The following DCDC2C variants were observed in gnomAD, a reference collection of about 807,000 sequenced individuals.
DCDC2C encodes doublecortin domain-containing protein 2C.
Under a neutral mutation model 45.0 loss-of-function variants are expected in DCDC2C, and 44 were observed. That is an observed-to-expected ratio of 0.98 (90% confidence interval 0.77 to 1.26). The LOEUF (loss-of-function observed/expected upper bound fraction) is 1.26, where lower values mean the gene tolerates loss of function less well. Ranked by LOEUF, DCDC2C falls within the 50% of genes most tolerant of loss-of-function variation. The pLI, the probability that DCDC2C is intolerant of heterozygous loss-of-function variation, is 0.00. For missense variants in DCDC2C, 447 were observed against 468.9 expected (o/e 0.95, Z 0.43); for synonymous variants, 187 against 178.8 (o/e 1.05, Z -0.37).
Position 3,783,293 on chromosome 2 carries a change from T to C in DCDC2C, c.1024-1766T>C, listed in dbSNP as rs528126563. On this transcript the variant is annotated intron_variant, in intron 9 of 10. Coordinates refer to ENST00000399143, the MANE Select transcript of DCDC2C (RefSeq NM_001287444.2). ...ATGATTTTCTCTTCCTCCAAGAGCA[T>C]CCTGTGCATGTTCTGGCCTATCCGG... 1.6e-4 allele frequency among the ~76,000 whole-genome samples: 24 copies of C among 152,312 alleles called. 2 individuals carry two copies. Among genetic ancestry groups the C allele is most frequent in the Middle Eastern group, 6.8e-3 (2 of 292 alleles).
intron 10 of DCDC2C, chr2:3,844,038 TG>T (rs1407451890): frequency 6.6e-6 from 1 of 152,034 alleles, no homozygotes; most frequent in African/African-American, 2.4e-5. Flanking sequence ...GATTTATTGG[TG>T]ATTTTGTTTT....
intron 3 of DCDC2C, among the ~76,000 whole-genome samples, chr2:3,740,340 G>C (rs1428988198): frequency 6.6e-6 from 1 of 152,192 alleles, no homozygotes; most frequent in African/African-American, 2.4e-5. Flanking sequence ...TGGGATGACT[G>C]GGTTAGTGGT....
rs148407604 is a variant in DCDC2C at position 3,826,711 on chromosome 2, G to A, written c.1066-20443G>A. On this transcript the variant is annotated intron_variant, in intron 10 of 10. Transcript: ENST00000399143. Reference sequence around the variant, plus strand: ...CCAACAGCTCCTTCCACAGCTTTGCGTGGTGTCTAAGATCTTTATCTCCTT... The same window carrying A: ...CCAACAGCTCCTTCCACAGCTTTGCATGGTGTCTAAGATCTTTATCTCCTT... 5.7e-3 allele frequency among the ~76,000 whole-genome samples: 865 copies of A among 152,210 alleles called. 10 individuals carry two copies. Among genetic ancestry groups the A allele is most frequent in the African/African-American group, 0.02 (814 of 41,528 alleles).
Position 3,845,571 on chromosome 2 carries a change from G to C in DCDC2C, c.1066-1583G>C, listed in dbSNP as rs1036944262. 2.6e-5 allele frequency among the ~76,000 whole-genome samples: 4 copies of C among 152,194 alleles called. No individual in the cohort carries two copies. In the South Asian group the frequency reaches 8.3e-4, roughly 31 times the overall value. On this transcript the variant is annotated intron_variant, in intron 10 of 10. Transcript: ENST00000399143. ...GTTGTTAGACTTGACTAGAACACTC[G>C]TAACACTTTAAGGGGGACATTTGTA...
At position 3,805,612 on chromosome 2, in the gene DCDC2C, C is replaced by T. The variant is rs528358311; in HGVS notation, c.1065+20512C>T. On this transcript the variant is annotated intron_variant, in intron 10 of 10. Transcript: ENST00000399143. ...AGTGCTTCTGTGAAATGTTTCACAG[C>T]GTATTTTATGACATTTTAAAAGAAG... 3.9e-5 allele frequency among the ~76,000 whole-genome samples: 6 copies of T among 152,246 alleles called. No individual in the cohort carries two copies. In the South Asian group the frequency reaches 1.2e-3, roughly 32 times the overall value.
Position 3,759,885 on chromosome 2 carries a change from C to T in DCDC2C, c.726+5251C>T, listed in dbSNP as rs114928076. On this transcript the variant is annotated intron_variant, in intron 6 of 10. Coordinates refer to ENST00000399143, the MANE Select transcript of DCDC2C (RefSeq NM_001287444.2). ...GATGTCTGTGAAGTAGGTGACATCT[C>T]ATTTATGTGTGATGACGATTTTCCT... Among the ~76,000 whole-genome samples the T allele has an allele frequency of 9.7e-4, 147 of 152,304 alleles. 1 individual carries two copies. The highest frequency in any genetic ancestry group is 2.6e-3 in the Admixed American group (40 of 15,304).
At chr2:3,742,130 A>G (rs1031322560) in intron 4 of DCDC2C, 82 bp downstream of exon 4, 19 of 1,409,776 alleles carry the variant, frequency 1.3e-5, no homozygotes, top group Non-Finnish European at 1.8e-5. Flanking sequence ...TGCCTGGACC[A>G]GCAAGGTCTA....
At position 3,761,941 on chromosome 2, in the gene DCDC2C, C is replaced by T. The variant is rs1450236767; in HGVS notation, c.727-5813C>T. Among the ~76,000 whole-genome samples the T allele has an allele frequency of 2.6e-5, 4 of 152,086 alleles. No individual in the cohort carries two copies. The highest frequency in any genetic ancestry group is 9.7e-5 in the African/African-American group (4 of 41,422). On this transcript the variant is annotated intron_variant, in intron 6 of 10. Transcript: ENST00000399143. This position sits in a 1 kb window ranked among gnomAD's most constrained non-coding sequence, Gnocchi z 4.3. ...TTAAAGCACTGCAGAGAAATAAAAC[C>T]AACATACGTGAGGTTCATTTTCTGA...
intron 3 of DCDC2C, among the ~76,000 whole-genome samples, chr2:3,739,232 T>G (rs1469269099): frequency 1.3e-5 from 2 of 152,122 alleles, no homozygotes; most frequent in Non-Finnish European, 2.9e-5. Flanking sequence ...GATATAGAAG[T>G]GCTGGGAAGA....
intron 2 of DCDC2C, among the ~76,000 whole-genome samples, chr2:3,710,524 A>G (rs1403565530): frequency 6.6e-6 from 1 of 152,140 alleles, no homozygotes; most frequent in African/African-American, 2.4e-5. Context: ...ATGTCCCTGC[A>G]TGAGTACATT....
chr2:3,779,989 C>G (rs1670467792), intron 9 of DCDC2C, among the ~76,000 whole-genome samples: 1 of 152,172 alleles, frequency 6.6e-6, no homozygotes, highest in Admixed American at 6.5e-5. Context: ...AGCTTCTGAT[C>G]TAAAACAGAG....
chr2:3,834,578 G>A (rs1558248273), intron 10 of DCDC2C, among the ~76,000 whole-genome samples: 1 of 152,202 alleles, frequency 6.6e-6, no homozygotes, highest in African/African-American at 2.4e-5. Flanking sequence ...CACCTGGGAG[G>A]TCACTTGCAT....
chr2:3,720,221 G>T (rs1335380198), intron 2 of DCDC2C, among the ~76,000 whole-genome samples: 1 of 152,218 alleles, frequency 6.6e-6, no homozygotes, highest in Non-Finnish European at 1.5e-5. Context: ...AAGAATCGTT[G>T]CCAGCCATGG....
intron 10 of DCDC2C, among the ~76,000 whole-genome samples, chr2:3,803,395 T>A (rs1671159762): frequency 6.6e-6 from 1 of 152,226 alleles, no homozygotes; most frequent in Non-Finnish European, 1.5e-5. Flanking sequence ...AGCACAGACC[T>A]TGCGTCCTAT....
At chr2:3,773,068 T>C (rs998748736) in intron 8 of DCDC2C, among the ~76,000 whole-genome samples, 2 of 152,180 alleles carry the variant, frequency 1.3e-5, no homozygotes, top group African/African-American at 4.8e-5. Flanking sequence ...TCACTGAAAC[T>C]CATTTGTCCT....
In DCDC2C at chr2:3,847,150, C is replaced by T. The variant is rs780010970; in HGVS notation, c.1066-4C>T. ...CTGTTAACCTGCTTTTCTATGTCTT[C>T]CAGATGGCCCGGGAGTGGAAACCTG... On this transcript the variant is annotated splice_polypyrimidine_tract_variant and splice_region_variant and intron_variant, in intron 10 of 10. Coordinates refer to ENST00000399143, the MANE Select transcript of DCDC2C (RefSeq NM_001287444.2). 260 of 1,231,544 alleles carry T rather than the reference C, an allele frequency of 2.1e-4. No homozygotes were observed. The highest frequency in any genetic ancestry group is 2.3e-4 in the Non-Finnish European group (223 of 987,842). The allele number at this position is 1,231,544 out of a possible 1,614,324, so 76.3% of individuals were successfully genotyped here.
intron 4 of DCDC2C, among the ~76,000 whole-genome samples, chr2:3,749,627 G>A (rs1218249471): frequency 1.3e-5 from 2 of 152,188 alleles, no homozygotes; most frequent in Non-Finnish European, 2.9e-5. Flanking sequence ...GGAAGAGTCC[G>A]AGGGGAATGT....
intron 10 of DCDC2C, among the ~76,000 whole-genome samples, chr2:3,812,811 G>A (rs989103360): frequency 5.3e-5 from 8 of 151,936 alleles, no homozygotes; most frequent in African/African-American, 1.9e-4. Flanking sequence ...AGAACTTCTT[G>A]ATTTCTGTCT....
intron 6 of DCDC2C, among the ~76,000 whole-genome samples, chr2:3,755,161 GTGTA>G (rs1669654385): frequency 6.6e-6 from 1 of 152,204 alleles, no homozygotes; most frequent in Non-Finnish European, 1.5e-5. Context: ...ATGGATGCAT[GTGTA>G]TGTATGGATG....
Sources: allele counts gnomAD v4.1 joint callset (sites outside exome capture counted in the v4.1 genomes callset), GRCh38; gene constraint gnomAD v4.1.1; non-coding constraint Gnocchi (gnomAD v3.1); transcripts MANE v1.5; gene names NCBI Gene and HGNC (gene_info 2026-07-23, HGNC 2026-07-21).